Variants in DDX27 observed in about 807,000 individuals in gnomAD.
DDX27 encodes the protein DEAD-box helicase 27.
DDX27 carries 42 observed loss-of-function variants against 99.3 expected under a neutral mutation model. The ratio of observed to expected loss-of-function variants is 0.42; its 90% CI spans 0.33 to 0.55. The LOEUF (loss-of-function observed/expected upper bound fraction) is 0.55, where lower values mean the gene tolerates loss of function less well. Among genes scored for constraint, DDX27 ranks in the 20% least tolerant of loss-of-function variants. DDX27 has a pLI of 0.07. For missense variants in DDX27, 798 were observed against 976.8 expected (o/e 0.82, Z 2.44); for synonymous variants, 329 against 353.8 (o/e 0.93, Z 0.79).
rs1979841739 is a variant in DDX27 at position 49,225,269 on chromosome 20, A to G, written c.600+70A>G. On this transcript the variant is annotated intron_variant, in intron 6 of 20. Transcript: ENST00000618172. ...TGCTATGTTGTCCAAGATGGTCTCA[A>G]ATTCCTGGCATCAAGCAATCCTCTT... is the stretch of plus-strand genomic sequence containing the variant. 3 of 1,266,786 alleles carry G rather than the reference A, an allele frequency of 2.4e-6. No homozygotes were observed. In the South Asian group the frequency reaches 3.6e-5, roughly 15 times the overall value. The allele number at this position is 1,266,786 out of a possible 1,614,324, so 78.5% of individuals were successfully genotyped here. A position where few individuals can be genotyped will look rare whatever the true frequency, so the allele number is the denominator to read the frequency against.
At chr20:49,227,137 C>T (rs1056065700) in intron 7 of DDX27, among the ~76,000 whole-genome samples, 1 of 152,048 alleles carries the variant, frequency 6.6e-6, no homozygotes, top group African/African-American at 2.4e-5. Flanking sequence ...GCTGGGATTA[C>T]AGGCGTGAGC....
intron 2 of DDX27, among the ~76,000 whole-genome samples, chr20:49,221,970 G>C (rs1184879848): frequency 6.6e-6 from 1 of 151,894 alleles, no homozygotes; most frequent in East Asian, 1.9e-4. Flanking sequence ...ATTGTCATCT[G>C]TTTGTTTGCC....
At position 49,230,084 on chromosome 20, in the gene DDX27, ACTCT is replaced by A. The variant is rs1980047853; in HGVS notation, c.881-111_881-108del. The A allele has an allele frequency of 7.6e-6, 9 of 1,181,984 alleles. No homozygotes were observed. In the South Asian group the frequency reaches 1.4e-4, roughly 19 times the overall value. The allele number at this position is 1,181,984 out of a possible 1,614,324, so 73.2% of individuals were successfully genotyped here. A position where few individuals can be genotyped will look rare whatever the true frequency, so the allele number is the denominator to read the frequency against. On this transcript the variant is annotated intron_variant, in intron 8 of 20. Transcript: ENST00000618172. ...ATGTGCTTGGGCCTTTGTCAGTCTTACTCTCTCAGTGGTTTTCTCTGCATCTGGC... is the reference window on the plus strand; with the variant it reads ...ATGTGCTTGGGCCTTTGTCAGTCTTACTCAGTGGTTTTCTCTGCATCTGGC...
chr20:49,234,276 T>C (rs1980230522), intron 11 of DDX27: 1 of 152,502 alleles, frequency 6.6e-6, no homozygotes, highest in African/African-American at 2.4e-5. Context: ...TTTTTTTTTT[T>C]TCTTTGAGGC....
intron 16 of DDX27, 111 bp downstream of exon 16, chr20:49,239,449 C>T: frequency 1.3e-6 from 1 of 743,968 alleles, no homozygotes; most frequent in East Asian, 2.7e-5. Context: ...CCTTTCGGCA[C>T]CAAGGACCAG....
intron 16 of DDX27, among the ~76,000 whole-genome samples, chr20:49,241,526 G>A (rs1400955380): frequency 6.6e-6 from 1 of 151,282 alleles, no homozygotes; most frequent in Admixed American, 6.6e-5. Flanking sequence ...AGGCTGGAGT[G>A]CAGTGGCGCG....
intron 14 of DDX27, chr20:49,238,621 C>T (rs1980378038): frequency 3.5e-6 from 1 of 283,528 alleles, no homozygotes; most frequent in Non-Finnish European, 6.7e-6. Context: ...GCGTGTGCCC[C>T]CACACCCAGC....
chr20:49,243,493 G>T, intron 19 of DDX27, 136 bp from the exon 20 acceptor site: 2 of 750,608 alleles, frequency 2.7e-6, no homozygotes, highest in Non-Finnish European at 4.5e-6. Context: ...ACACATAAAG[G>T]CTTAGAACTT....
chr20:49,243,853 A>G lies in DDX27; in HGVS notation c.*19A>G, dbSNP rs1402966299. Reference sequence around the variant, plus strand: ...GAAGTAGCTGTCGTGGCCTGAAGAAATTCATGGGGGCAGCCCTTAAATCCC... The same window carrying G: ...GAAGTAGCTGTCGTGGCCTGAAGAAGTTCATGGGGGCAGCCCTTAAATCCC... On this transcript the variant is annotated 3_prime_UTR_variant, in exon 21 of 21. Transcript: ENST00000618172. 4 of 1,614,074 alleles carry G rather than the reference A, an allele frequency of 2.5e-6. No homozygotes were observed. The highest frequency in any genetic ancestry group is 3.4e-6 in the Non-Finnish European group (4 of 1,180,002).
rs1237823174 is a variant in DDX27 at position 49,221,165 on chromosome 20, T to C, written c.94-287T>C. On this transcript the variant is annotated intron_variant, in intron 1 of 20. Transcript: ENST00000618172. ...TTAGTAGAGACAGGGTTTCACCATATTGGCCAGGCTGGTCTTGAACTCCTG... is the reference window on the plus strand; with the variant it reads ...TTAGTAGAGACAGGGTTTCACCATACTGGCCAGGCTGGTCTTGAACTCCTG... 2.0e-5 allele frequency among the ~76,000 whole-genome samples: 3 copies of C among 152,212 alleles called. No homozygotes were observed. The East Asian group carries it at 5.8e-4, about 29-fold the overall frequency.
chr20:49,228,936 G>A (rs1967672951), intron 8 of DDX27, 48 bp downstream of exon 8: 2 of 1,503,902 alleles, frequency 1.3e-6, no homozygotes, highest in South Asian at 1.3e-5. Context: ...CTGTGGTGGG[G>A]TGGAGGATGG....
intron 9 of DDX27, chr20:49,232,933 A>AG (rs2146714547): frequency 5.4e-6 from 1 of 186,904 alleles, no homozygotes; most frequent in African/African-American, 2.4e-5. Context: ...TCAAAAAAAA[A>AG]AAAAAAAAGA....
intron 1 of DDX27, 128 bp from the exon 2 acceptor site, chr20:49,221,324 C>A: frequency 9.7e-7 from 1 of 1,025,810 alleles, no homozygotes; most frequent in Non-Finnish European, 1.4e-6. Flanking sequence ...AACTCCTGAC[C>A]TTGTCTGCGT....
At chr20:49,223,041 C>T (rs1416597760) in intron 3 of DDX27, 25 bp downstream of exon 3, 32 of 1,603,608 alleles carry the variant, frequency 2.0e-5, no homozygotes, top group African/African-American at 4.0e-5. Flanking sequence ...GGCTATTTTT[C>T]GTTGTTAGGG....
intron 6 of DDX27, among the ~76,000 whole-genome samples, chr20:49,225,538 C>T (rs1355072035): frequency 1.3e-5 from 2 of 151,006 alleles, no homozygotes; most frequent in Non-Finnish European, 2.9e-5. Flanking sequence ...TCACTGCAAC[C>T]TCCACCTCCC....
intron 8 of DDX27, among the ~76,000 whole-genome samples, chr20:49,229,265 C>G (rs1453472767): frequency 1.3e-5 from 2 of 151,868 alleles, no homozygotes; most frequent in Admixed American, 1.3e-4. Flanking sequence ...CTCCTGACCT[C>G]GTGATCCGCC....
intron 11 of DDX27, chr20:49,234,104 T>G: frequency 5.5e-6 from 1 of 181,966 alleles, no homozygotes. Context: ...TTCGTACTTA[T>G]TATGTCCTTA....
At chr20:49,222,807 C>T (rs947873661) in intron 2 of DDX27, 150 bp from the exon 3 acceptor site, 51 of 386,050 alleles carry the variant, frequency 1.3e-4, no homozygotes, top group Admixed American at 5.1e-4. Flanking sequence ...GCCACCGCGC[C>T]CGGCCTAAAA....
intron 11 of DDX27, chr20:49,234,040 C>G: frequency 3.6e-6 from 1 of 280,288 alleles, no homozygotes; most frequent in Non-Finnish European, 6.9e-6. Flanking sequence ...TCCACTCGGC[C>G]TTTTGTGACT....
Sources: allele counts gnomAD v4.1 joint callset (sites outside exome capture counted in the v4.1 genomes callset), GRCh38; gene constraint gnomAD v4.1.1; transcripts MANE v1.5; gene names NCBI Gene and HGNC (gene_info 2026-07-23, HGNC 2026-07-21).